ZBED4: variants seen among roughly 807,000 people sequenced by gnomAD.
ZBED4 encodes zinc finger BED domain-containing protein 4.
Under a neutral mutation model 15.5 loss-of-function variants are expected in ZBED4, and 4 were observed. The ratio of observed to expected loss-of-function variants is 0.26; its 90% CI spans 0.13 to 0.59. The LOEUF (loss-of-function observed/expected upper bound fraction) is 0.59, where lower values mean the gene tolerates loss of function less well. Among genes scored for constraint, ZBED4 ranks in the 20% least tolerant of loss-of-function variants. ZBED4 has a pLI of 0.90. For synonymous variants in ZBED4, 692 were observed against 608.5 expected (o/e 1.14, Z -2.02); for missense variants, 1,323 against 1,461.8 (o/e 0.91, Z 1.55).
chr22:49,877,286 T>C (rs1425177986), intron 1 of ZBED4, among the ~76,000 whole-genome samples: 4 of 151,192 alleles, frequency 2.6e-5, no homozygotes, highest in Admixed American at 2.6e-4. Context: ...TATTTATTTA[T>C]TTATTTATTT....
intron 1 of ZBED4, among the ~76,000 whole-genome samples, chr22:49,877,348 G>C (rs1304012628): frequency 1.3e-5 from 2 of 151,896 alleles, no homozygotes; most frequent in Admixed American, 6.6e-5. Context: ...CTGGAGTGCA[G>C]TGGTGCGATC....
rs141348884 is a variant in ZBED4, at chr22:49,878,134, G to A, written c.-329-5200G>A. On this transcript the variant is annotated intron_variant, in intron 1 of 1. Coordinates refer to ENST00000216268, the MANE Select transcript of ZBED4 (RefSeq NM_014838.3). ...ATCCTGGCCAACGTGGTGAAACACC[G>A]TCTCTACTAAAAATACAAAAATTAG... 2.3e-3 allele frequency among the ~76,000 whole-genome samples: 356 copies of A among 152,074 alleles called. 1 individual carries two copies. Among genetic ancestry groups the A allele is most frequent in the African/African-American group, 8.1e-3 (337 of 41,466 alleles).
chr22:49,867,292 G>A (rs1206484447), intron 1 of ZBED4, among the ~76,000 whole-genome samples: 1 of 152,126 alleles, frequency 6.6e-6, no homozygotes, highest in Non-Finnish European at 1.5e-5. Flanking sequence ...AATGCCCAAC[G>A]CGTATGTTAT....
At chr22:49,876,352 T>C (rs2060376357) in intron 1 of ZBED4, among the ~76,000 whole-genome samples, 1 of 152,218 alleles carries the variant, frequency 6.6e-6, no homozygotes, top group African/African-American at 2.4e-5. Context: ...ACCTGTTGGT[T>C]ACTTATTGAA....
intron 1 of ZBED4, among the ~76,000 whole-genome samples, chr22:49,880,578 G>A (rs1272240521): frequency 2.0e-5 from 3 of 152,222 alleles, no homozygotes; most frequent in Non-Finnish European, 4.4e-5. Flanking sequence ...TGAAAACGTC[G>A]TTTCGTGCAC....
chr22:49,872,593 G>A (rs200474209), intron 1 of ZBED4, among the ~76,000 whole-genome samples: 1 of 152,228 alleles, frequency 6.6e-6, no homozygotes, highest in East Asian at 1.9e-4. Context: ...GCAGTGTCAC[G>A]ATCACAGCTC....
intron 1 of ZBED4, among the ~76,000 whole-genome samples, chr22:49,858,990 G>A (rs925098435): frequency 5.9e-5 from 9 of 152,090 alleles, no homozygotes; most frequent in South Asian, 2.1e-4. Context: ...GGACGGATGC[G>A]ACTTTGCTCA....
At chr22:49,881,780 A>C (rs1032411496) in intron 1 of ZBED4, among the ~76,000 whole-genome samples, 2 of 151,744 alleles carry the variant, frequency 1.3e-5, no homozygotes, top group African/African-American at 4.8e-5. Context: ...CGATCCTCCC[A>C]CCTCAGCCTC....
chr22:49,855,600 C>G (rs1473093981), intron 1 of ZBED4, among the ~76,000 whole-genome samples: 1 of 152,048 alleles, frequency 6.6e-6, no homozygotes, highest in Admixed American at 6.6e-5. Flanking sequence ...GTGTGTGTGT[C>G]TCAGATCCTT....
chr22:49,884,854 C>T lies in ZBED4; in HGVS notation c.1192C>T (p.Gln398Ter). The T allele has an allele frequency of 6.2e-7, 1 of 1,610,410 alleles. No homozygotes were observed. Among genetic ancestry groups the T allele is most frequent in the African/African-American group, 1.3e-5 (1 of 75,020 alleles). The change falls in exon 2 of 2, where the codon CAG becomes TAG. Residue 398 changes from glutamine (Q) to a stop codon, truncating the protein, a stop_gained. Transcript: ENST00000216268. LOFTEE classifies it low-confidence loss of function (END_TRUNC). ...SSPDRLTEDL[Q>*]SHLNPGDGLM... ...CCCTGACAGGCTGACTGAGGACTTGCAGTCTCACTTGAACCCTGGAGATGG... is the reference window on the plus strand; with the variant it reads ...CCCTGACAGGCTGACTGAGGACTTGTAGTCTCACTTGAACCCTGGAGATGG...
In ZBED4 at chr22:49,875,389, C is replaced by G. The variant is rs961928958; in HGVS notation, c.-329-7945C>G. On this transcript the variant is annotated intron_variant, in intron 1 of 1. Coordinates refer to ENST00000216268, the MANE Select transcript of ZBED4 (RefSeq NM_014838.3). ...GTTTCTGTCTTTCAAGTAATTTGTC[C>G]ATTTCATCTGAGTTGCATAATTTAT... Among the ~76,000 whole-genome samples the G allele has an allele frequency of 2.0e-5, 3 of 148,086 alleles. No individual in the cohort carries two copies. In the South Asian group the frequency reaches 6.7e-4, roughly 33 times the overall value.
At chr22:49,866,123 G>C (rs191351264) in intron 1 of ZBED4, among the ~76,000 whole-genome samples, 4 of 77,012 alleles carry the variant, frequency 5.2e-5, no homozygotes, top group Non-Finnish European at 9.8e-5. Context: ...TACTTTGCCT[G>C]AGAGCCCAAA....
rs1371997432 is a variant in ZBED4, at chr22:49,885,714, G to A, written c.2052G>A (p.Leu684=). The change falls in exon 2 of 2, where the codon CTG becomes CTA. Residue 684 remains leucine, a synonymous_variant. Coordinates refer to ENST00000216268, the MANE Select transcript of ZBED4 (RefSeq NM_014838.3). The part of the protein sequence containing the change: ...SFVDNVGFNR[L]LEYLKPQYSL... ...TAGACAACGTTGGCTTTAACAGGCT[G>A]CTTGAATACTTGAAACCTCAGTACT... 2 of 1,607,486 alleles carry A rather than the reference G, an allele frequency of 1.2e-6. No individual in the cohort carries two copies. The highest frequency in any genetic ancestry group is 1.7e-5 in the Admixed American group (1 of 59,642).
At chr22:49,877,062 C>T (rs2060379990) in intron 1 of ZBED4, among the ~76,000 whole-genome samples, 1 of 152,150 alleles carries the variant, frequency 6.6e-6, no homozygotes, top group Admixed American at 6.5e-5. Flanking sequence ...GTCAGATTTA[C>T]CTCAGCCTCA....
At chr22:49,866,533 A>G (rs1029432213) in intron 1 of ZBED4, among the ~76,000 whole-genome samples, 2 of 152,066 alleles carry the variant, frequency 1.3e-5, no homozygotes, top group Non-Finnish European at 2.9e-5. Context: ...GGGACCTATA[A>G]TCTCACATCA....
At chr22:49,854,135 C>G (rs1158995232) in intron 1 of ZBED4, 146 bp downstream of exon 1, 2 of 145,374 alleles carry the variant, frequency 1.4e-5, no homozygotes, top group African/African-American at 4.9e-5. Context: ...GGTTCCGTGG[C>G]CTCGGGGTCC....
intron 1 of ZBED4, among the ~76,000 whole-genome samples, chr22:49,880,592 G>T (rs1436647293): frequency 6.6e-6 from 1 of 152,208 alleles, no homozygotes; most frequent in Non-Finnish European, 1.5e-5. Context: ...CGTGCACGGC[G>T]TCTGGCTTAT....
At chr22:49,855,824 G>A (rs1357525982) in intron 1 of ZBED4, among the ~76,000 whole-genome samples, 1 of 152,204 alleles carries the variant, frequency 6.6e-6, no homozygotes, top group Non-Finnish European at 1.5e-5. Context: ...AGGCCAAGCT[G>A]GCCCTTCCTT....
chr22:49,885,033 G>A lies in ZBED4; in HGVS notation c.1371G>A (p.Leu457=), dbSNP rs1247799578. 6.2e-7 allele frequency: 1 copy of A among 1,612,582 alleles called. No individual in the cohort carries two copies. The highest frequency in any genetic ancestry group is 8.5e-7 in the Non-Finnish European group (1 of 1,179,230). Residue 457 remains leucine, a synonymous_variant, in exon 2 of 2, where the codon CTG becomes CTA. Transcript: ENST00000216268. ...AGAATAAAAAGGTCATGAAAAGACT[G>A]AAGTCGGAGGTCTGGCATCACTTCT... ...FQQNKKVMKR[L]KSEVWHHFSL...
Sources: gnomAD v4.1 joint callset for allele counts (sites outside exome capture counted in the v4.1 genomes callset) on GRCh38, gnomAD v4.1.1 for gene constraint, MANE v1.5 for transcripts, NCBI Gene and HGNC (gene_info 2026-07-23, HGNC 2026-07-21) for gene names.